TCTN3: variants seen among roughly 807,000 people sequenced by gnomAD.
TCTN3 encodes the protein tectonic-3.
Under a neutral mutation model 71.3 loss-of-function variants are expected in TCTN3, and 57 were observed. That is an observed-to-expected ratio of 0.80 (90% CI 0.65 to 1.00). TCTN3 has a LOEUF of 1.00. TCTN3 is among the 50% of genes least tolerant of loss of function. TCTN3 has a pLI of 0.00. For synonymous variants in TCTN3, 258 were observed against 267.8 expected, an observed-to-expected ratio of 0.96 and a Z score of 0.36; for missense variants, 696 against 719.9, an observed-to-expected ratio of 0.97 and a Z score of 0.38.
At chr10:95,676,098 A>G (rs2097936873) in intron 13 of TCTN3, among the ~76,000 whole-genome samples, 1 of 150,866 alleles carries the variant, frequency 6.6e-6, no homozygotes, top group African/African-American at 2.4e-5. Flanking sequence ...ATAATAAATA[A>G]AAGATGCTTA....
At chr10:95,675,761 C>T (rs1007425028) in intron 13 of TCTN3, among the ~76,000 whole-genome samples, 2 of 152,232 alleles carry the variant, frequency 1.3e-5, no homozygotes, top group African/African-American at 4.8e-5. Context: ...AATCCTGTCA[C>T]TTCCTAGCCC....
In TCTN3 at chr10:95,693,359, C is replaced by T. The variant is rs1183569837; in HGVS notation, c.374G>A (p.Ser125Asn). The stretch of plus-strand genomic sequence containing the variant: ...TCTGAGCAACGAAGCTCACCTTACG[C>T]TGCCTGGAAGGCAGAAGGAGAAAAC... ...RTVFSFCLPG[S>N]VRSSSWVCVD... The change falls in exon 2 of 14, where the codon AGC (serine) becomes AAC (asparagine). Residue 125 changes from serine (S) to asparagine (N), a missense_variant. Physicochemically the swap from Ser to Asn is conservative, Grantham distance 46. Coordinates refer to ENST00000371217, the MANE Select transcript of TCTN3 (RefSeq NM_015631.6). 1.9e-6 allele frequency: 3 copies of T among 1,551,708 alleles called. No homozygotes were observed. In the African/African-American group the frequency reaches 4.1e-5, roughly 21 times the overall value.
intron 12 of TCTN3, among the ~76,000 whole-genome samples, chr10:95,681,935 C>A (rs2097943366): frequency 6.6e-6 from 1 of 152,196 alleles, no homozygotes; most frequent in African/African-American, 2.4e-5. Context: ...TGGCTTATGC[C>A]TGTAATCCCA....
At chr10:95,687,897 A>T (rs1474953131) in intron 3 of TCTN3, among the ~76,000 whole-genome samples, 178 bp from the exon 4 acceptor site, 2 of 152,220 alleles carry the variant, frequency 1.3e-5, no homozygotes, top group Non-Finnish European at 2.9e-5. Flanking sequence ...AAGTTACAGA[A>T]TATTTCCCCA....
At chr10:95,664,699 T>C (rs867227678) in intron 13 of TCTN3, among the ~76,000 whole-genome samples, 25 of 152,318 alleles carry the variant, frequency 1.6e-4, no homozygotes, top group Middle Eastern at 3.4e-3. Flanking sequence ...CCTTCTCCAA[T>C]GGCAGAAAGA....
At chr10:95,688,760 T>C (rs1485610445) in intron 3 of TCTN3, among the ~76,000 whole-genome samples, 1 of 152,214 alleles carries the variant, frequency 6.6e-6, no homozygotes, top group Non-Finnish European at 1.5e-5. Flanking sequence ...AATGTATAAA[T>C]CTACCGAAAC....
intron 3 of TCTN3, 72 bp downstream of exon 3, chr10:95,692,848 T>C (rs564213826): frequency 2.7e-6 from 3 of 1,094,126 alleles, no homozygotes; most frequent in Non-Finnish European, 4.2e-6. Flanking sequence ...CTTCTTCCAA[T>C]GTGGGCCAGG....
rs542315595 is a variant in TCTN3 at position 95,686,658 on chromosome 10, A to C, written c.853-128T>G. 2.9e-5 allele frequency: 25 copies of C among 852,636 alleles called. No homozygotes were observed. The South Asian group carries it at 4.0e-4, about 14-fold the overall frequency. The allele number at this position is 852,636 out of a possible 1,614,324, so 52.8% of individuals were successfully genotyped here. ...GGGAGTCAATATATTAGAATGATTTACTTCCTCTATTCCACCTGACTCTTC... is the reference window on the plus strand; with the variant it reads ...GGGAGTCAATATATTAGAATGATTTCCTTCCTCTATTCCACCTGACTCTTC... On this transcript the variant is annotated intron_variant, in intron 6 of 13. Coordinates refer to ENST00000371217, the MANE Select transcript of TCTN3 (RefSeq NM_015631.6).
intron 13 of TCTN3, among the ~76,000 whole-genome samples, chr10:95,677,743 G>C (rs996492850): frequency 1.3e-5 from 2 of 152,010 alleles, no homozygotes; most frequent in African/African-American, 4.8e-5. Flanking sequence ...GATGGTGAAG[G>C]GCGGGTTGGC....
chr10:95,677,691 A>G (rs1402466770), intron 13 of TCTN3, among the ~76,000 whole-genome samples: 1 of 152,088 alleles, frequency 6.6e-6, no homozygotes, highest in East Asian at 1.9e-4. Context: ...TTATAAACAC[A>G]AATGCCTACC....
At position 95,686,532 on chromosome 10, in the gene TCTN3, TAGG is replaced by T. The variant is rs757461730; in HGVS notation, c.853-5_853-3del. The T allele has an allele frequency of 3.1e-6, 5 of 1,614,078 alleles. No individual in the cohort carries two copies. The Admixed American group carries it at 8.3e-5, about 27-fold the overall frequency. On this transcript the variant is annotated splice_region_variant and splice_polypyrimidine_tract_variant and intron_variant, in intron 6 of 13. Coordinates refer to ENST00000371217, the MANE Select transcript of TCTN3 (RefSeq NM_015631.6). Reference sequence around the variant, plus strand: ...TGGATCAGTCATGCTTCTTGGAACCTAGGAGAACAGCAGGGACATGAATGTGCA... The same window carrying T: ...TGGATCAGTCATGCTTCTTGGAACCTAGAACAGCAGGGACATGAATGTGCA...
chr10:95,690,919 C>T (rs960119585), intron 3 of TCTN3, among the ~76,000 whole-genome samples: 1 of 152,104 alleles, frequency 6.6e-6, no homozygotes, highest in African/African-American at 2.4e-5. Context: ...CATGAATGTA[C>T]ACCCCACCCT....
chr10:95,692,777 TG>T (rs1410203392), intron 3 of TCTN3, 142 bp downstream of exon 3: 3 of 626,566 alleles, frequency 4.8e-6, no homozygotes, highest in African/African-American at 3.7e-5. Context: ...GCTTTTTTTT[TG>T]TTGTTGTTTT....
chr10:95,693,437 C>T lies in TCTN3; in HGVS notation c.296G>A (p.Cys99Tyr), dbSNP rs1268590119. 7 of 1,552,046 alleles carry T rather than the reference C, an allele frequency of 4.5e-6. No homozygotes were observed. The highest frequency in any genetic ancestry group is 4.9e-5 in the East Asian group (2 of 40,940). The change falls in exon 2 of 14, where the codon TGC becomes TAC. Residue 99 changes from cysteine to tyrosine, a missense_variant. By Grantham distance (194) the Cys-to-Tyr change is radical (BLOSUM62 -2). Transcript: ENST00000371217. ...CCTGTCGCAGCAGCAATTTATATCG[C>T]AGGCTCCAGGAGTCAAGTCACAGAC... ...ICVCDLTPGA[C>Y]DINCCCDRDC...
In TCTN3 at chr10:95,663,886, T is replaced by C; in HGVS notation, c.*181A>G. On this transcript the variant is annotated 3_prime_UTR_variant, in exon 14 of 14. Coordinates refer to ENST00000371217, the MANE Select transcript of TCTN3 (RefSeq NM_015631.6). ...GCCCAAAGCAGAGAGCTATGATGAA[T>C]AAAATATTTTTATTGCTTTTCTAAA... 1.7e-6 allele frequency: 1 copy of C among 592,744 alleles called. No homozygotes were observed. The highest frequency in any genetic ancestry group is 2.1e-5 in the South Asian group (1 of 48,690). The allele number at this position is 592,744 out of a possible 1,614,324, so 36.7% of individuals were successfully genotyped here.
chr10:95,674,855 A>G (rs374678068), intron 13 of TCTN3, among the ~76,000 whole-genome samples: 46 of 121,396 alleles, frequency 3.8e-4, no homozygotes, highest in East Asian at 1.2e-3. Context: ...ATGAATGAAT[A>G]AATAAAGTGT....
At chr10:95,666,183 T>C (rs5023560) in intron 13 of TCTN3, among the ~76,000 whole-genome samples, 127,235 of 151,326 alleles carry the variant, frequency 0.84, 54,045 homozygotes, top group Non-Finnish European at 0.91. Context: ...CCTAGTGATC[T>C]GCCCGCCTCG....
intron 8 of TCTN3, among the ~76,000 whole-genome samples, chr10:95,685,305 G>C (rs1340225563): frequency 6.6e-6 from 1 of 152,214 alleles, no homozygotes; most frequent in Non-Finnish European, 1.5e-5. Flanking sequence ...ACGTGGTAGG[G>C]AGGATAATGG....
intron 13 of TCTN3, 44 bp downstream of exon 13, chr10:95,680,428 T>C (rs751627194): frequency 2.1e-5 from 32 of 1,558,152 alleles, no homozygotes; most frequent in Non-Finnish European, 2.3e-5. Flanking sequence ...TAAGACAATC[T>C]AGGCTTTGCA....
Sources: gnomAD v4.1 joint callset for allele counts (sites outside exome capture counted in the v4.1 genomes callset) on GRCh38, gnomAD v4.1.1 for gene constraint, MANE v1.5 for transcripts, NCBI Gene and HGNC (gene_info 2026-07-23, HGNC 2026-07-21) for gene names.